Variants in DACH1 observed in about 807,000 individuals in gnomAD.
DACH1 encodes the protein dachshund homolog 1.
DACH1 carries 12 observed loss-of-function variants against 54.2 expected under a neutral mutation model. The ratio of observed to expected loss-of-function variants is 0.22; its 90% CI spans 0.14 to 0.36. The LOEUF is 0.36. Among genes scored for constraint, DACH1 ranks in the 10% least tolerant of loss-of-function variants. The probability of loss-of-function intolerance (pLI) is 1.00; values close to 1 mark genes in which losing one functional copy is unlikely to be tolerated. For synonymous variants in DACH1, 386 were observed against 366.2 expected, an observed-to-expected ratio of 1.05 and a Z score of -0.62; for missense variants, 805 against 929.8, an observed-to-expected ratio of 0.87 and a Z score of 1.75.
rs1290200563 is a variant in DACH1 at position 71,479,154 on chromosome 13, G to A, written c.1870+15C>T. ...TTTCTGTAAATATTTAACTTATCTG[G>A]AAATTTGGAAATACCTCTATTCTTT... On this transcript the variant is annotated intron_variant, in intron 8 of 10. Transcript: ENST00000613252. 1 of 1,588,668 alleles carries A rather than the reference G, an allele frequency of 6.3e-7. No homozygotes were observed. The highest frequency in any genetic ancestry group is 1.4e-5 in the African/African-American group (1 of 73,588).
intron 1 of DACH1, among the ~76,000 whole-genome samples, chr13:71,839,630 A>T (rs1050751732): frequency 2.6e-5 from 4 of 152,080 alleles, no homozygotes; most frequent in Non-Finnish European, 5.9e-5. Context: ...AAAAATAAAA[A>T]TAAAATTAAA....
intron 2 of DACH1, among the ~76,000 whole-genome samples, chr13:71,635,357 G>A (rs1232670100): frequency 6.6e-6 from 1 of 152,034 alleles, no homozygotes; most frequent in African/African-American, 2.4e-5. Flanking sequence ...CCTTGCAATG[G>A]TCCTTTCAAA....
At position 71,681,874 on chromosome 13, in the gene DACH1, A is replaced by G. The variant is rs754084208; in HGVS notation, c.885T>C (p.Ser295=). The G allele has an allele frequency of 1.2e-6, 2 of 1,613,878 alleles. No homozygotes were observed. Among genetic ancestry groups the G allele is most frequent in the African/African-American group, 1.3e-5 (1 of 75,060 alleles). The change falls in exon 2 of 11, where the codon AGT becomes AGC. Residue 295 remains serine (S), a synonymous_variant. Coordinates refer to ENST00000613252, the MANE Select transcript of DACH1 (RefSeq NM_080759.6). ...TGTGAGAGTTCTCTGGGGAGGTGACACTTTGAGTCCTCTTAGGAGGCCTTC... is the reference window on the plus strand; with the variant it reads ...TGTGAGAGTTCTCTGGGGAGGTGACGCTTTGAGTCCTCTTAGGAGGCCTTC... The part of the protein sequence containing the change: ...RPGRPPKRTQ[S]VTSPENSHIM...
At chr13:71,461,474 G>T (rs189517880) in intron 10 of DACH1, among the ~76,000 whole-genome samples, 1 of 151,844 alleles carries the variant, frequency 6.6e-6, no homozygotes, top group Non-Finnish European at 1.5e-5. Flanking sequence ...AAATAAGCCC[G>T]CATCATACTC....
intron 1 of DACH1, among the ~76,000 whole-genome samples, chr13:71,736,581 G>T (rs777578964): frequency 2.0e-5 from 3 of 152,176 alleles, no homozygotes; most frequent in Non-Finnish European, 4.4e-5. Flanking sequence ...AAATGAAAAA[G>T]TGAAAGCACT....
At chr13:71,652,417 G>T (rs983355304) in intron 2 of DACH1, among the ~76,000 whole-genome samples, 59 of 151,950 alleles carry the variant, frequency 3.9e-4, no homozygotes, top group African/African-American at 1.4e-3. Context: ...CAATGCTTAG[G>T]CTTTCATAAC....
intron 1 of DACH1, among the ~76,000 whole-genome samples, chr13:71,863,176 A>T (rs1466342951): frequency 6.6e-6 from 1 of 152,174 alleles, no homozygotes; most frequent in Non-Finnish European, 1.5e-5. Flanking sequence ...AAAGGTAAGA[A>T]ATAAGACAAT....
At chr13:71,538,141 T>C (rs776441767) in intron 6 of DACH1, among the ~76,000 whole-genome samples, 11 of 152,206 alleles carry the variant, frequency 7.2e-5, no homozygotes, top group Non-Finnish European at 1.5e-4. Flanking sequence ...GCCACTGCTC[T>C]TTTAAGTATT....
rs117010592 is a variant in DACH1, at chr13:71,731,878, C to T, written c.849-49968G>A. Among the ~76,000 whole-genome samples the T allele has an allele frequency of 2.5e-3, 378 of 152,290 alleles. 1 individual carries two copies. The highest frequency in any genetic ancestry group is 4.1e-3 in the Non-Finnish European group (281 of 68,020). On this transcript the variant is annotated intron_variant, in intron 1 of 10. Coordinates refer to ENST00000613252, the MANE Select transcript of DACH1 (RefSeq NM_080759.6). ...AACTAGTTTTATAGTTCCAAGGGTT[C>T]TTCTGAGATCATTTCAATACTCTTT...
At chr13:71,754,034 T>C (rs1302764279) in intron 1 of DACH1, among the ~76,000 whole-genome samples, 1 of 152,304 alleles carries the variant, frequency 6.6e-6, no homozygotes, top group East Asian at 1.9e-4. Flanking sequence ...TTAATGTGAC[T>C]CATGATTATC....
At chr13:71,582,435 AACT>A (rs764726229) in intron 3 of DACH1, among the ~76,000 whole-genome samples, 2 of 152,174 alleles carry the variant, frequency 1.3e-5, no homozygotes, top group African/African-American at 2.4e-5. Flanking sequence ...TAACAATCCT[AACT>A]ACTATTTAAG....
chr13:71,839,615 T>A (rs1566535155), intron 1 of DACH1, among the ~76,000 whole-genome samples: 1 of 151,790 alleles, frequency 6.6e-6, no homozygotes, highest in African/African-American at 2.4e-5. Flanking sequence ...TCAAAATAAA[T>A]AAATAAAAAT....
intron 1 of DACH1, among the ~76,000 whole-genome samples, chr13:71,732,127 T>G (rs982754609): frequency 3.0e-4 from 45 of 152,180 alleles, no homozygotes; most frequent in African/African-American, 1.1e-3. Context: ...TATAGCTCCA[T>G]CTAGGCTCCA....
intron 3 of DACH1, among the ~76,000 whole-genome samples, chr13:71,610,522 A>G (rs1413052742): frequency 6.6e-6 from 1 of 152,216 alleles, no homozygotes; most frequent in Non-Finnish European, 1.5e-5. Context: ...TCTTAAAGAG[A>G]GAGCATCTGC....
chr13:71,721,196 T>G (rs1883214108), intron 1 of DACH1, among the ~76,000 whole-genome samples: 1 of 152,170 alleles, frequency 6.6e-6, no homozygotes, highest in Admixed American at 6.5e-5. Flanking sequence ...TACATTTGCC[T>G]AACACCACAG....
At chr13:71,831,522 T>C (rs189140620) in intron 1 of DACH1, among the ~76,000 whole-genome samples, 8 of 151,952 alleles carry the variant, frequency 5.3e-5, no homozygotes, top group South Asian at 2.1e-4. Context: ...TTGTGATATA[T>C]AGGGTGGGCT....
chr13:71,479,080 A>G (rs1452324311), intron 8 of DACH1, 89 bp downstream of exon 8: 3 of 1,254,038 alleles, frequency 2.4e-6, no homozygotes, highest in Non-Finnish European at 3.2e-6. Flanking sequence ...TAACAAAAAT[A>G]CTACAATTTC....
At chr13:71,709,102 C>T (rs1882591569) in intron 1 of DACH1, among the ~76,000 whole-genome samples, 1 of 152,040 alleles carries the variant, frequency 6.6e-6, no homozygotes, top group Non-Finnish European at 1.5e-5. Context: ...ATCCTCCTGC[C>T]TCGGCCTCCC....
chr13:71,573,137 A>G, intron 3 of DACH1, 125 bp from the exon 4 acceptor site: 1 of 942,080 alleles, frequency 1.1e-6, no homozygotes, highest in Non-Finnish European at 1.6e-6. Context: ...ATATGCAAAA[A>G]TTTCACTTAC....
Sources: gnomAD v4.1 joint callset for allele counts (sites outside exome capture counted in the v4.1 genomes callset) on GRCh38, gnomAD v4.1.1 for gene constraint, MANE v1.5 for transcripts, NCBI Gene and HGNC (gene_info 2026-07-23, HGNC 2026-07-21) for gene names.